The following CAMK2D variants were observed in gnomAD, a reference collection of about 807,000 sequenced individuals.
The protein encoded by CAMK2D is calcium/calmodulin dependent protein kinase II delta.
Under a neutral mutation model 84.0 loss-of-function variants are expected in CAMK2D, and 37 were observed. The ratio of observed to expected loss-of-function variants is 0.44; its 90% confidence interval spans 0.34 to 0.58. The LOEUF is 0.58. Ranked by LOEUF, CAMK2D falls within the 20% of genes least tolerant of loss-of-function variation. The pLI, the probability that CAMK2D is intolerant of heterozygous loss-of-function variation, is 0.02. For missense variants in CAMK2D, 448 were observed against 652.5 expected, an observed-to-expected ratio of 0.69 and a Z score of 3.41; for synonymous variants, 202 against 212.5, an observed-to-expected ratio of 0.95 and a Z score of 0.43.
chr4:113,683,088 A>G (rs1385777384), intron 2 of CAMK2D, among the ~76,000 whole-genome samples: 1 of 152,224 alleles, frequency 6.6e-6, no homozygotes, highest in Non-Finnish European at 1.5e-5. Context: ...ATTAAAGTGA[A>G]GAGTGAATAA....
At chr4:113,563,369 A>G (rs2098707619) in intron 4 of CAMK2D, among the ~76,000 whole-genome samples, 1 of 152,180 alleles carries the variant, frequency 6.6e-6, no homozygotes, top group African/African-American at 2.4e-5. Flanking sequence ...GGCACTCTAG[A>G]TCTGGGTACT....
intron 4 of CAMK2D, among the ~76,000 whole-genome samples, chr4:113,572,845 C>T (rs534155160): frequency 2.8e-4 from 43 of 152,112 alleles, no homozygotes; most frequent in Middle Eastern, 3.4e-3. Context: ...ATATACACCA[C>T]GAAATATTAT....
chr4:113,508,383 G>C, intron 13 of CAMK2D: 1 of 717,822 alleles, frequency 1.4e-6, no homozygotes. Flanking sequence ...GCTATAAGTT[G>C]AATGGAAGGA....
intron 2 of CAMK2D, among the ~76,000 whole-genome samples, chr4:113,717,233 CTCTTA>C (rs1221452009): frequency 3.3e-5 from 5 of 152,020 alleles, no homozygotes; most frequent in African/African-American, 7.2e-5. Context: ...TTCCAGAATT[CTCTTA>C]TCTTTTCTAT....
chr4:113,575,125 C>T (rs948323474), intron 4 of CAMK2D, among the ~76,000 whole-genome samples: 3 of 152,102 alleles, frequency 2.0e-5, no homozygotes, highest in African/African-American at 7.2e-5. Context: ...TGTTAAACTA[C>T]AGAAGTGAGG....
intron 2 of CAMK2D, among the ~76,000 whole-genome samples, chr4:113,721,150 A>G (rs900895033): frequency 2.6e-5 from 4 of 152,134 alleles, no homozygotes; most frequent in African/African-American, 9.7e-5. Context: ...GCACCTAAGG[A>G]GCTCATTAGA....
chr4:113,683,006 T>C (rs1025083395), intron 2 of CAMK2D, among the ~76,000 whole-genome samples: 4 of 152,192 alleles, frequency 2.6e-5, no homozygotes, highest in South Asian at 2.1e-4. Context: ...TGATCTATAA[T>C]GCAGAAAACA....
intron 13 of CAMK2D, among the ~76,000 whole-genome samples, chr4:113,506,982 T>A (rs1025716805): frequency 6.6e-6 from 1 of 151,922 alleles, no homozygotes; most frequent in East Asian, 1.9e-4. Context: ...GGCCATTCTG[T>A]CTGGGTGAGC....
chr4:113,629,157 T>C (rs1316667740), intron 3 of CAMK2D, among the ~76,000 whole-genome samples: 1 of 152,110 alleles, frequency 6.6e-6, no homozygotes, highest in African/African-American at 2.4e-5. Flanking sequence ...GAAGAAACTG[T>C]GCTAAGTATC....
chr4:113,638,164 T>G (rs1389349773), intron 3 of CAMK2D, among the ~76,000 whole-genome samples: 1 of 152,154 alleles, frequency 6.6e-6, no homozygotes, highest in African/African-American at 2.4e-5. Context: ...ATGCATAATA[T>G]GAAGAAGCTA....
rs2099359808 is a variant in CAMK2D, at chr4:113,686,329, C to A, written c.161-24557G>T. Among the ~76,000 whole-genome samples, 4 of 152,164 alleles carry A rather than the reference C, an allele frequency of 2.6e-5. No homozygotes were observed. The South Asian group carries it at 8.3e-4, about 32-fold the overall frequency. On this transcript the variant is annotated intron_variant, in intron 2 of 20. Coordinates refer to ENST00000511664, the MANE Select transcript of CAMK2D (RefSeq NM_001321571.2). ...TCAGTGCCTGTACTTTTTCTCAATT[C>A]TCTGTAAAAATACCTAAATATTGTT...
intron 2 of CAMK2D, among the ~76,000 whole-genome samples, chr4:113,723,713 T>C (rs1283314379): frequency 6.6e-6 from 1 of 152,122 alleles, no homozygotes; most frequent in East Asian, 1.9e-4. Context: ...TGAGCAAAAT[T>C]ATACCAATTG....
At chr4:113,558,260 A>C (rs545908974) in intron 4 of CAMK2D, among the ~76,000 whole-genome samples, 2 of 152,242 alleles carry the variant, frequency 1.3e-5, no homozygotes, top group South Asian at 2.1e-4. Context: ...TGAATAACCA[A>C]GTCACATTTT....
intron 4 of CAMK2D, among the ~76,000 whole-genome samples, chr4:113,597,153 C>T (rs1445751801): frequency 6.6e-6 from 1 of 152,124 alleles, no homozygotes; most frequent in African/African-American, 2.4e-5. Context: ...AATGAGCATT[C>T]ATGTCTTCTT....
chr4:113,557,834 C>G (rs750283126), intron 4 of CAMK2D, among the ~76,000 whole-genome samples: 10 of 152,144 alleles, frequency 6.6e-5, no homozygotes, highest in Non-Finnish European at 1.2e-4. Context: ...TAATAATGCA[C>G]TCAACTCTTT....
intron 3 of CAMK2D, among the ~76,000 whole-genome samples, chr4:113,651,041 A>G (rs2099170519): frequency 6.6e-6 from 1 of 152,184 alleles, no homozygotes; most frequent in Non-Finnish European, 1.5e-5. Context: ...TTGGAGACTG[A>G]ATTATAAAAA....
chr4:113,747,608 G>A lies in CAMK2D; in HGVS notation c.160+11712C>T, dbSNP rs527409130. Among the ~76,000 whole-genome samples the A allele has an allele frequency of 4.5e-4, 68 of 152,118 alleles. 1 individual carries two copies. Among genetic ancestry groups the A allele is most frequent in the African/African-American group, 1.6e-3 (67 of 41,534 alleles). ...GCAACTATAGGAACTACCTTTTAAA[G>A]TACTAGCCGATTTTTAAAAACAAAT... On this transcript the variant is annotated intron_variant, in intron 2 of 20. Coordinates refer to ENST00000511664, the MANE Select transcript of CAMK2D (RefSeq NM_001321571.2).
rs1212757470 is a variant in CAMK2D, at chr4:113,709,763, A to AC, written c.161-47992_161-47991insG. ...CCGTGAACGATATATATATATATAT[A>AC]TATATATATATATATATATGAGAGA... is the stretch of plus-strand genomic sequence containing the variant. On this transcript the variant is annotated intron_variant, in intron 2 of 20. Transcript: ENST00000511664. 2.3e-3 allele frequency among the ~76,000 whole-genome samples: 270 copies of AC among 116,554 alleles called. 13 individuals are homozygous for AC. The highest frequency in any genetic ancestry group is 9.8e-3 in the African/African-American group (255 of 25,906). The allele number at this position is 116,554 out of a possible 152,430, so 76.5% of individuals were successfully genotyped here. A position where few individuals can be genotyped will look rare whatever the true frequency, so the allele number is the denominator to read the frequency against.
At chr4:113,727,015 G>T (rs529772663) in intron 2 of CAMK2D, among the ~76,000 whole-genome samples, 153 of 152,278 alleles carry the variant, frequency 1.0e-3, no homozygotes, top group African/African-American at 3.7e-3. Flanking sequence ...AGAGAGAGGA[G>T]ACCCTATGTT....
Sources: gnomAD v4.1 joint callset for allele counts (sites outside exome capture counted in the v4.1 genomes callset) on GRCh38, gnomAD v4.1.1 for gene constraint, MANE v1.5 for transcripts, NCBI Gene and HGNC (gene_info 2026-07-23, HGNC 2026-07-21) for gene names.